AKAP13: variants seen among roughly 807,000 people sequenced by gnomAD.
AKAP13 encodes the protein A-kinase anchor protein 13.
In AKAP13, 80 loss-of-function variants were observed where a neutral mutation model predicts 264.5. The ratio of observed to expected loss-of-function variants is 0.30; its 90% CI spans 0.25 to 0.36. The LOEUF (loss-of-function observed/expected upper bound fraction) is 0.36, where lower values mean the gene tolerates loss of function less well. AKAP13 is among the 10% of genes least tolerant of loss of function. The pLI, the probability that AKAP13 is intolerant of heterozygous loss-of-function variation, is 1.00. For synonymous variants in AKAP13, 1,380 were observed against 1,250.2 expected (o/e 1.10, Z -2.19); for missense variants, 3,712 against 3,435.2 (o/e 1.08, Z -2.01).
At chr15:85,436,462 C>T (rs1265947519) in intron 1 of AKAP13, among the ~76,000 whole-genome samples, 14 of 142,190 alleles carry the variant, frequency 9.8e-5, no homozygotes, top group South Asian at 2.4e-4. Flanking sequence ...CTGCACCAAG[C>T]GGACCTAATA....
chr15:85,466,546 G>T (rs1253792697), intron 1 of AKAP13, among the ~76,000 whole-genome samples: 2 of 152,164 alleles, frequency 1.3e-5, no homozygotes, highest in Non-Finnish European at 2.9e-5. Flanking sequence ...TGTAAGGAAG[G>T]GATCCAGTTT....
chr15:85,566,626 CT>C lies in AKAP13; in HGVS notation c.663-8486del, dbSNP rs35129066. 9.0e-3 allele frequency among the ~76,000 whole-genome samples: 1,213 copies of C among 135,258 alleles called. 14 individuals carry two copies. The highest frequency in any genetic ancestry group is 0.026 in the African/African-American group (929 of 36,308). 88.7% of individuals were successfully genotyped at this position (135,258 alleles called of 152,430 possible). A position where few individuals can be genotyped will look rare whatever the true frequency, so the allele number is the denominator to read the frequency against. On this transcript the variant is annotated intron_variant, in intron 5 of 36. Transcript: ENST00000394518. The stretch of plus-strand genomic sequence containing the variant: ...TAATTAGAAAAAAGAAAATAACTTA[CT>C]TTTTTTTTTTTTTTTTTTAAATGGA...
intron 8 of AKAP13, among the ~76,000 whole-genome samples, chr15:85,588,460 A>G (rs145467478): frequency 9.2e-4 from 140 of 152,278 alleles, no homozygotes; most frequent in Admixed American, 8.4e-3. Flanking sequence ...CTTGAATTCA[A>G]ATACCTCTGT....
intron 5 of AKAP13, among the ~76,000 whole-genome samples, chr15:85,548,902 CTTTTTTTTTT>C (rs72092593): frequency 1.6e-5 from 2 of 123,324 alleles, no homozygotes; most frequent in East Asian, 4.5e-4. Flanking sequence ...ACCTCAGTGC[CTTTTTTTTTT>C]TTTTTTTTGG....
chr15:85,685,442 A>T (rs1280121697), intron 16 of AKAP13: 1 of 151,612 alleles, frequency 6.6e-6, no homozygotes, highest in Non-Finnish European at 1.5e-5. Flanking sequence ...TGATTAAGAG[A>T]TTAAATAAAT....
chr15:85,573,072 A>G (rs1381955055), intron 5 of AKAP13, among the ~76,000 whole-genome samples: 2 of 152,230 alleles, frequency 1.3e-5, no homozygotes, highest in Admixed American at 1.3e-4. Context: ...GTGAATTGTT[A>G]ATGACAGACA....
intron 8 of AKAP13, among the ~76,000 whole-genome samples, chr15:85,605,883 T>C (rs890231493): frequency 2.0e-5 from 3 of 152,068 alleles, no homozygotes; most frequent in Non-Finnish European, 2.9e-5. Context: ...AAAACAGCAT[T>C]AAGGGTAGAC....
intron 2 of AKAP13, among the ~76,000 whole-genome samples, chr15:85,503,625 A>T (rs1171804353): frequency 6.6e-6 from 1 of 152,232 alleles, no homozygotes; most frequent in Non-Finnish European, 1.5e-5. Flanking sequence ...TGATGGACTC[A>T]TGGAATCAGA....
At chr15:85,726,327 C>A in intron 26 of AKAP13, 83 bp from the exon 27 acceptor site, 2 of 1,121,244 alleles carry the variant, frequency 1.8e-6, no homozygotes, top group Non-Finnish European at 2.6e-6. Context: ...GCTGAAACAC[C>A]CTTCAATAAA....
At position 85,595,746 on chromosome 15, in the gene AKAP13, C is replaced by T. The variant is rs573615039; in HGVS notation, c.4161+9923C>T. On this transcript the variant is annotated intron_variant, in intron 8 of 36. Transcript: ENST00000394518. ...TACTTTCACAATACGCTCAGCCCTT[C>T]GAAGATCATAGAATTGCCTAAGGAT... Among the ~76,000 whole-genome samples the T allele has an allele frequency of 5.9e-5, 9 of 152,150 alleles. 1 individual carries two copies. In the South Asian group the frequency reaches 1.7e-3, roughly 28 times the overall value.
intron 5 of AKAP13, among the ~76,000 whole-genome samples, chr15:85,553,084 C>CTTTTTTT (rs10693195): frequency 5.0e-5 from 6 of 120,396 alleles, no homozygotes; most frequent in East Asian, 2.4e-4. Context: ...ATCTGTAATT[C>CTTTTTTT]TTTTTTTTTT....
intron 8 of AKAP13, among the ~76,000 whole-genome samples, chr15:85,629,707 A>T (rs1191148927): frequency 7.0e-6 from 1 of 142,284 alleles, no homozygotes; most frequent in Non-Finnish European, 1.5e-5. Context: ...GGTCAAATCT[A>T]TGGGATGGTA....
chr15:85,481,331 ATGAT>A (rs1432487748), intron 1 of AKAP13, among the ~76,000 whole-genome samples: 4 of 152,194 alleles, frequency 2.6e-5, no homozygotes, highest in Non-Finnish European at 2.9e-5. Context: ...GAAAAGACTG[ATGAT>A]TGTTTATATT....
chr15:85,411,656 C>T (rs1253796897), intron 1 of AKAP13, among the ~76,000 whole-genome samples: 3 of 152,218 alleles, frequency 2.0e-5, no homozygotes, highest in Non-Finnish European at 4.4e-5. Context: ...CCAGGGTGGT[C>T]TCGATCTCTT....
At chr15:85,567,035 A>G in intron 5 of AKAP13, among the ~76,000 whole-genome samples, 1 of 152,342 alleles carries the variant, frequency 6.6e-6, no homozygotes, top group East Asian at 1.9e-4. Flanking sequence ...ATGCATAGTA[A>G]TGTAGATACT....
intron 3 of AKAP13, among the ~76,000 whole-genome samples, chr15:85,526,442 C>CGTGT (rs149977822): frequency 7.9e-5 from 12 of 151,040 alleles, no homozygotes; most frequent in East Asian, 3.9e-4. Flanking sequence ...GTGGCTGGCA[C>CGTGT]GTGTGTGTGT....
intron 5 of AKAP13, among the ~76,000 whole-genome samples, chr15:85,567,942 GTGT>G (rs2078665727): frequency 4.1e-4 from 2 of 4,928 alleles, no homozygotes; most frequent in South Asian, 0.026. Flanking sequence ...GCCCAAAGAG[GTGT>G]GTGTGTGTGT....
chr15:85,435,452 G>A (rs2073238643), intron 1 of AKAP13, among the ~76,000 whole-genome samples: 1 of 105,570 alleles, frequency 9.5e-6, no homozygotes, highest in Non-Finnish European at 1.9e-5. Context: ...TTCAGATTCA[G>A]GAAATACAGA....
intron 5 of AKAP13, among the ~76,000 whole-genome samples, chr15:85,557,360 A>G (rs1406155102): frequency 6.6e-6 from 1 of 152,188 alleles, no homozygotes; most frequent in Non-Finnish European, 1.5e-5. Flanking sequence ...GCTTTTTACA[A>G]TCGTTTTATA....
Sources: gnomAD v4.1 joint callset for allele counts (sites outside exome capture counted in the v4.1 genomes callset) on GRCh38, gnomAD v4.1.1 for gene constraint, MANE v1.5 for transcripts, NCBI Gene and HGNC (gene_info 2026-07-23, HGNC 2026-07-21) for gene names.